Variants in GSTCD observed in about 807,000 individuals in gnomAD.
GSTCD encodes the protein glutathione S-transferase C-terminal domain-containing protein.
A neutral mutation model predicts 68.3 loss-of-function variants in GSTCD; 44 were observed. That is an observed-to-expected ratio of 0.64 (90% CI 0.51 to 0.83). The LOEUF (loss-of-function observed/expected upper bound fraction) is 0.83. GSTCD is among the 40% of genes least tolerant of loss of function. The probability of loss-of-function intolerance (pLI) is 0.00; values close to 1 mark genes in which losing one functional copy is unlikely to be tolerated. For missense variants in GSTCD, 739 were observed against 735.9 expected (o/e 1.00, Z -0.05); for synonymous variants, 273 against 255.2 (o/e 1.07, Z -0.67).
At chr4:105,817,240 AAGTT>A (rs1434466140) in intron 5 of GSTCD, among the ~76,000 whole-genome samples, 2 of 151,916 alleles carry the variant, frequency 1.3e-5, no homozygotes, top group Non-Finnish European at 1.5e-5. Flanking sequence ...TATATAGGCC[AAGTT>A]AGTTGTTTGA....
chr4:105,828,479 A>G (rs1723754847), intron 8 of GSTCD, among the ~76,000 whole-genome samples: 1 of 152,186 alleles, frequency 6.6e-6, no homozygotes, highest in African/African-American at 2.4e-5. Context: ...TCTGAGATGA[A>G]AATAGCAGAT....
intron 11 of GSTCD, among the ~76,000 whole-genome samples, chr4:105,844,010 A>G (rs1724457384): frequency 6.6e-6 from 1 of 152,178 alleles, no homozygotes; most frequent in Non-Finnish European, 1.5e-5. Context: ...CCCCAGGCCC[A>G]CAAAGGTAGA....
At chr4:105,741,480 T>G (rs1733628554) in intron 5 of GSTCD, among the ~76,000 whole-genome samples, 1 of 152,254 alleles carries the variant, frequency 6.6e-6, no homozygotes, top group African/African-American at 2.4e-5. Flanking sequence ...TAGAATTTAC[T>G]AAATTTAAAA....
At chr4:105,721,699 A>G (rs1439955444) in intron 3 of GSTCD, among the ~76,000 whole-genome samples, 1 of 152,108 alleles carries the variant, frequency 6.6e-6, no homozygotes, top group Non-Finnish European at 1.5e-5. Flanking sequence ...CTAAGGTATT[A>G]TATATAAACC....
At chr4:105,827,133 A>G (rs942281547) in intron 8 of GSTCD, 5 of 152,190 alleles carry the variant, frequency 3.3e-5, no homozygotes, top group Non-Finnish European at 5.9e-5. Context: ...TTAACTTTAC[A>G]TAAATGTTGA....
intron 5 of GSTCD, among the ~76,000 whole-genome samples, chr4:105,744,708 G>T (rs905675552): frequency 6.6e-6 from 1 of 152,056 alleles, no homozygotes; most frequent in Admixed American, 6.5e-5. Context: ...CATATTACAG[G>T]CTTATCTTAT....
chr4:105,844,056 C>T (rs969864831), intron 11 of GSTCD, among the ~76,000 whole-genome samples: 4 of 152,068 alleles, frequency 2.6e-5, no homozygotes, highest in Non-Finnish European at 5.9e-5. Context: ...AGAGACACTT[C>T]AACATGTGAA....
At chr4:105,712,156 G>A (rs1732558122) in intron 1 of GSTCD, among the ~76,000 whole-genome samples, 1 of 152,188 alleles carries the variant, frequency 6.6e-6, no homozygotes, top group Admixed American at 6.5e-5. Context: ...AGTTCATTAA[G>A]CACTGGAGAT....
At chr4:105,749,746 G>A (rs1163421385) in intron 5 of GSTCD, among the ~76,000 whole-genome samples, 4 of 151,988 alleles carry the variant, frequency 2.6e-5, no homozygotes, top group Non-Finnish European at 5.9e-5. Flanking sequence ...TGGGACCTAA[G>A]CAAAGAGTAG....
chr4:105,836,964 G>GTA (rs1724146879), intron 9 of GSTCD, among the ~76,000 whole-genome samples: 1 of 152,164 alleles, frequency 6.6e-6, no homozygotes. Flanking sequence ...AGTATCAAAT[G>GTA]TATAAGTCAA....
chr4:105,730,086 G>A (rs556000667), intron 5 of GSTCD, among the ~76,000 whole-genome samples: 7 of 152,212 alleles, frequency 4.6e-5, no homozygotes, highest in Admixed American at 4.6e-4. Context: ...CCTTTTTTAT[G>A]GCTGCATAGT....
At chr4:105,748,526 T>C (rs1423829501) in intron 5 of GSTCD, among the ~76,000 whole-genome samples, 1 of 152,178 alleles carries the variant, frequency 6.6e-6, no homozygotes, top group Non-Finnish European at 1.5e-5. Flanking sequence ...TTTAAAGTGT[T>C]TATTTAAACT....
At chr4:105,774,157 A>C (rs752212438) in intron 5 of GSTCD, among the ~76,000 whole-genome samples, 40 of 152,258 alleles carry the variant, frequency 2.6e-4, no homozygotes, top group Non-Finnish European at 4.6e-4. Flanking sequence ...AGTCAGTTTT[A>C]TCAGAGACTA....
At chr4:105,731,166 A>G (rs921819987) in intron 5 of GSTCD, among the ~76,000 whole-genome samples, 2 of 152,092 alleles carry the variant, frequency 1.3e-5, no homozygotes, top group African/African-American at 4.8e-5. Flanking sequence ...AGGTAGTGTG[A>G]TGTCTCCAGC....
intron 5 of GSTCD, among the ~76,000 whole-genome samples, chr4:105,776,005 G>T (rs559107070): frequency 6.6e-6 from 1 of 152,218 alleles, no homozygotes; most frequent in African/African-American, 2.4e-5. Context: ...CCATAAGCCC[G>T]ACTGGGGCAG....
intron 8 of GSTCD, among the ~76,000 whole-genome samples, chr4:105,833,218 A>C (rs1256772831): frequency 1.3e-5 from 2 of 152,182 alleles, no homozygotes; most frequent in Non-Finnish European, 2.9e-5. Flanking sequence ...TAATCCCAGC[A>C]CTTTGGGAGG....
intron 5 of GSTCD, among the ~76,000 whole-genome samples, chr4:105,795,847 C>T (rs997758649): frequency 1.3e-5 from 2 of 152,066 alleles, no homozygotes; most frequent in African/African-American, 4.8e-5. Context: ...GATGGCTTTT[C>T]AGAGTCTTTT....
intron 5 of GSTCD, chr4:105,760,937 C>A: frequency 3.2e-6 from 1 of 315,658 alleles, no homozygotes; most frequent in Non-Finnish European, 6.0e-6. Context: ...TTTCCATGAT[C>A]TCAGAACTCC....
At chr4:105,728,711 AT>A (rs1733127796) in intron 4 of GSTCD, among the ~76,000 whole-genome samples, 1 of 152,020 alleles carries the variant, frequency 6.6e-6, no homozygotes, top group Non-Finnish European at 1.5e-5. Context: ...ATAGATATAG[AT>A]ATAGACTGTG....
Sources: allele counts gnomAD v4.1 joint callset (sites outside exome capture counted in the v4.1 genomes callset), GRCh38; gene constraint gnomAD v4.1.1; transcripts MANE v1.5; gene names NCBI Gene and HGNC (gene_info 2026-07-23, HGNC 2026-07-21).